ATAD2B: variants seen among roughly 807,000 people sequenced by gnomAD.
ATAD2B encodes ATPase family AAA domain-containing protein 2B.
Under a neutral mutation model 167.6 loss-of-function variants are expected in ATAD2B, and 40 were observed. The observed-to-expected ratio is 0.24, with a 90% CI of 0.19 to 0.31. The LOEUF is 0.31. ATAD2B is among the 10% of genes least tolerant of loss of function. ATAD2B has a pLI of 1.00. For synonymous variants in ATAD2B, 579 were observed against 596.5 expected (o/e 0.97, Z 0.43); for missense variants, 1,242 against 1,757.2 (o/e 0.71, Z 5.24).
the ATAD2B span, among the ~76,000 whole-genome samples, chr2:23,736,558 A>G: frequency 6.6e-6 from 1 of 152,192 alleles, no homozygotes; most frequent in Non-Finnish European, 1.5e-5. Flanking sequence ...TGCTACTTAA[A>G]AAATCAAGAG....
At chr2:23,870,208 GA>G (rs11301038) in intron 8 of ATAD2B, among the ~76,000 whole-genome samples, 45,698 of 123,724 alleles carry the variant, frequency 0.37, 8,667 homozygotes, top group East Asian at 0.62. Flanking sequence ...CTCCTTCTCG[GA>G]AAAAAAAAAA....
chr2:23,725,221 T>G, the ATAD2B span, among the ~76,000 whole-genome samples: 1 of 152,144 alleles, frequency 6.6e-6, no homozygotes. Flanking sequence ...GGTGAACATA[T>G]TCTTCGGAAA....
At chr2:23,728,023 AAC>A in the ATAD2B span, among the ~76,000 whole-genome samples, 1 of 152,186 alleles carries the variant, frequency 6.6e-6, no homozygotes, top group East Asian at 1.9e-4. Flanking sequence ...CAGAATGTAA[AAC>A]ACAGAGTGAG....
At chr2:23,836,392 G>A (rs1030555643) in intron 13 of ATAD2B, among the ~76,000 whole-genome samples, 1 of 152,154 alleles carries the variant, frequency 6.6e-6, no homozygotes, top group Non-Finnish European at 1.5e-5. Context: ...CTGGCTCAGG[G>A]AGCTCCCAGG....
At chr2:23,783,773 A>G (rs780005370) in intron 21 of ATAD2B, among the ~76,000 whole-genome samples, 24 of 152,208 alleles carry the variant, frequency 1.6e-4, no homozygotes, top group East Asian at 5.8e-4. Flanking sequence ...GCCTTCCCCA[A>G]TGCAAATCTC....
chr2:23,865,667 A>G (rs1695031832), intron 10 of ATAD2B, among the ~76,000 whole-genome samples: 1 of 152,230 alleles, frequency 6.6e-6, no homozygotes, highest in Non-Finnish European at 1.5e-5. Flanking sequence ...TTAGCTATTT[A>G]CAATAGTTTG....
chr2:23,728,329 A>G, the ATAD2B span, among the ~76,000 whole-genome samples: 1 of 152,226 alleles, frequency 6.6e-6, no homozygotes, highest in South Asian at 2.1e-4. Flanking sequence ...ATGCATGTAC[A>G]ACACTTGTTT....
intron 23 of ATAD2B, among the ~76,000 whole-genome samples, chr2:23,764,854 C>G (rs1215890061): frequency 6.6e-6 from 1 of 152,210 alleles, no homozygotes; most frequent in Non-Finnish European, 1.5e-5. Flanking sequence ...ACCTCCTCCT[C>G]CTCTATCACT....
At chr2:23,913,615 G>A (rs1702607121) in intron 1 of ATAD2B, among the ~76,000 whole-genome samples, 1 of 150,958 alleles carries the variant, frequency 6.6e-6, no homozygotes, top group African/African-American at 2.4e-5. Flanking sequence ...ACTCCAGGCT[G>A]GGCAACAGAG....
intron 22 of ATAD2B, among the ~76,000 whole-genome samples, chr2:23,780,242 T>TGGCA (rs1679800686): frequency 7.1e-6 from 1 of 141,842 alleles, no homozygotes; most frequent in Non-Finnish European, 1.5e-5. Flanking sequence ...AACAAGATGC[T>TGGCA]GTCTCCAAAA....
intron 18 of ATAD2B, among the ~76,000 whole-genome samples, chr2:23,800,178 T>C (rs1195913065): frequency 6.6e-6 from 1 of 152,014 alleles, no homozygotes; most frequent in African/African-American, 2.4e-5. Context: ...TTCCCCACTC[T>C]GTGCTGGTAA....
Position 23,757,753 on chromosome 2 carries a change from C to T in ATAD2B, c.3743G>A (p.Ser1248Asn), listed in dbSNP as rs754672397. 3.1e-6 allele frequency: 5 copies of T among 1,600,534 alleles called. No individual in the cohort carries two copies. The highest frequency in any genetic ancestry group is 4.3e-6 in the Non-Finnish European group (5 of 1,175,454). Residue 1248 changes from serine to asparagine, a missense_variant, in exon 25 of 28, where the codon AGC (serine) becomes AAC (asparagine). Ser to Asn is a conservative substitution (Grantham distance 46). Around this residue, in one of 9 missense-constraint regions of ATAD2B, gnomAD observed 282 missense variants for 346.8 expected, o/e 0.81. Coordinates refer to ENST00000238789, the MANE Select transcript of ATAD2B (RefSeq NM_017552.4). ...GGTCTGCTCCGGGTTTAAGGAACTG[C>T]TGCTGTTGACCAGTAGAGATTCATT... Reference protein sequence around the residue: ...SSNESLLVNSSSSLNPEQTSR... With the variant: ...SSNESLLVNSNSSLNPEQTSR...
intron 1 of ATAD2B, among the ~76,000 whole-genome samples, chr2:23,909,333 TAG>T (rs1291018815): frequency 1.3e-5 from 2 of 151,640 alleles, no homozygotes; most frequent in Non-Finnish European, 2.9e-5. Context: ...CACTTGAGTC[TAG>T]GAGGTCAAGG....
intron 1 of ATAD2B, among the ~76,000 whole-genome samples, chr2:23,910,202 G>T (rs1702081903): frequency 8.2e-6 from 1 of 122,618 alleles, no homozygotes; most frequent in Non-Finnish European, 1.7e-5. Context: ...TTTTAGACAA[G>T]AGTTTTGCTC....
chr2:23,863,610 ACCAATTT>A, intron 11 of ATAD2B, 55 bp from the exon 12 acceptor site: 1 of 1,436,384 alleles, frequency 7.0e-7, no homozygotes, highest in Non-Finnish European at 9.3e-7. Flanking sequence ...ACTGCTGATA[ACCAATTT>A]TAAAAAATGT....
chr2:23,900,100 T>G (rs1700638042), intron 1 of ATAD2B, among the ~76,000 whole-genome samples: 1 of 150,866 alleles, frequency 6.6e-6, no homozygotes, highest in South Asian at 2.1e-4. Context: ...GTATTTTTAG[T>G]AGAGACAGCG....
At chr2:23,869,232 A>G (rs1443096688) in intron 9 of ATAD2B, among the ~76,000 whole-genome samples, 1 of 152,224 alleles carries the variant, frequency 6.6e-6, no homozygotes, top group Non-Finnish European at 1.5e-5. Context: ...AACTGACAAC[A>G]AAAACAAAGT....
chr2:23,912,634 TA>T (rs554981046), intron 1 of ATAD2B, among the ~76,000 whole-genome samples: 1,628 of 151,276 alleles, frequency 0.011, 27 homozygotes, highest in African/African-American at 0.038. Flanking sequence ...AAATTTACTT[TA>T]AAAAAAAACA....
chr2:23,872,138 ACTGCTGGGATTACAGGCATGAGCCAC>A, intron 8 of ATAD2B: 1 of 261,176 alleles, frequency 3.8e-6, no homozygotes, highest in Non-Finnish European at 7.6e-6. Flanking sequence ...GGCCTCCCAA[ACTGCTGGGATTACAGGCATGAGCCAC>A]CATGCCCAGC....
Sources: gnomAD v4.1 joint callset for allele counts (sites outside exome capture counted in the v4.1 genomes callset) on GRCh38, gnomAD v4.1.1 for gene constraint, gnomAD v4.1.1 regional missense constraint, MANE v1.5 for transcripts, NCBI Gene and HGNC (gene_info 2026-07-23, HGNC 2026-07-21) for gene names.